Variants in BIRC6 observed in about 807,000 individuals in gnomAD.
BIRC6 encodes dual E2 ubiquitin-conjugating enzyme/E3 ubiquitin-protein ligase BIRC6.
In BIRC6, 98 loss-of-function variants were observed where a neutral mutation model predicts 503.3. That is an observed-to-expected ratio of 0.19 (90% CI 0.17 to 0.23). The LOEUF (loss-of-function observed/expected upper bound fraction) is 0.23. Ranked by LOEUF, BIRC6 falls within the 10% of genes least tolerant of loss-of-function variation. BIRC6 has a pLI of 1.00. For synonymous variants in BIRC6, 2,240 were observed against 2,078.7 expected (o/e 1.08, Z -2.11); for missense variants, 5,360 against 5,806.0 (o/e 0.92, Z 2.50).
At chr2:32,604,268 A>G (rs1201356131) in intron 71 of BIRC6, among the ~76,000 whole-genome samples, 4 of 152,176 alleles carry the variant, frequency 2.6e-5, no homozygotes, top group African/African-American at 9.6e-5. Context: ...TCTCAGGCCT[A>G]AAGTTTTATT....
At chr2:32,575,429 A>C in intron 66 of BIRC6, 63 bp downstream of exon 66, 1 of 1,480,178 alleles carries the variant, frequency 6.8e-7, no homozygotes, top group Non-Finnish European at 9.4e-7. Context: ...AAATAACTCC[A>C]TGGGTGTTTT....
chr2:32,414,121 G>A (rs1049285447), intron 9 of BIRC6, among the ~76,000 whole-genome samples: 12 of 151,800 alleles, frequency 7.9e-5, no homozygotes, highest in African/African-American at 2.4e-4. Flanking sequence ...GAGAAACCAT[G>A]TCTCTACTGA....
Position 32,617,896 on chromosome 2 carries a change from C to T in BIRC6, c.14566C>T (p.Gln4856Ter), listed in dbSNP as rs1275385380. 10 of 1,612,314 alleles carry T rather than the reference C, an allele frequency of 6.2e-6. No homozygotes were observed. The highest frequency in any genetic ancestry group is 6.8e-6 in the Non-Finnish European group (8 of 1,178,776). ...SSSKELPSDF[Q>*]L ...CAGCAAAGAACTCCCCAGTGACTTC[C>T]AGTTATGAGCTGCATTGATGTGGAC... The change falls in exon 74 of 74, where the codon CAG becomes TAG. Residue 4856 changes from glutamine to a stop codon, truncating the protein, a stop_gained. Transcript: ENST00000421745. LOFTEE classifies it high-confidence loss of function.
At chr2:32,503,868 CT>C (rs2053481848) in intron 49 of BIRC6, among the ~76,000 whole-genome samples, 1 of 152,072 alleles carries the variant, frequency 6.6e-6, no homozygotes, top group Non-Finnish European at 1.5e-5. Context: ...CATTTTCCTT[CT>C]TAAAGTGGTG....
chr2:32,408,166 C>T (rs551161408), intron 9 of BIRC6, among the ~76,000 whole-genome samples: 2 of 152,160 alleles, frequency 1.3e-5, no homozygotes, highest in African/African-American at 4.8e-5. Flanking sequence ...TGGGGTTTCA[C>T]CATGTTGGCC....
At chr2:32,611,108 C>CTTTTTTTTTTT (rs1245765148) in intron 72 of BIRC6, among the ~76,000 whole-genome samples, 8 of 126,158 alleles carry the variant, frequency 6.3e-5, no homozygotes, top group Admixed American at 3.3e-4. Flanking sequence ...ATTAAATTGC[C>CTTTTTTTTTTT]TTTTTTTTTT....
chr2:32,615,426 A>G (rs1026154228), intron 73 of BIRC6, among the ~76,000 whole-genome samples: 3 of 152,174 alleles, frequency 2.0e-5, no homozygotes, highest in African/African-American at 7.2e-5. Flanking sequence ...AATAGCTGCA[A>G]GGTAGAGTTG....
At chr2:32,383,520 C>T (rs2037998782) in intron 3 of BIRC6, among the ~76,000 whole-genome samples, 1 of 152,034 alleles carries the variant, frequency 6.6e-6, no homozygotes, top group African/African-American at 2.4e-5. Context: ...TCTGAATCCT[C>T]ACTGGTGCTG....
At chr2:32,586,842 A>T (rs2710606) in intron 66 of BIRC6, among the ~76,000 whole-genome samples, 2 of 151,980 alleles carry the variant, frequency 1.3e-5, no homozygotes, top group Non-Finnish European at 2.9e-5. Flanking sequence ...AGATTTTAGC[A>T]TTCGGGTAGT....
chr2:32,473,212 C>G lies in BIRC6; in HGVS notation c.6693C>G (p.Ile2231Met). ...SSLDRLYSRK[I>M]RKQLVHHKQQ... is the part of the protein sequence containing the mutation. The stretch of plus-strand genomic sequence containing the variant: ...TTGATAGATTATATTCCAGAAAAAT[C>G]AGAAAGCAGCTTGTTCATCATAAAC... Residue 2231 changes from isoleucine to methionine, a missense_variant, in exon 33 of 74, where the codon ATC becomes ATG. Transcript: ENST00000421745. 6.5e-7 allele frequency: 1 copy of G among 1,548,898 alleles called. No individual in the cohort carries two copies. The highest frequency in any genetic ancestry group is 1.2e-5 in the South Asian group (1 of 82,932).
At position 32,441,586 on chromosome 2, in the gene BIRC6, A is replaced by G; in HGVS notation, c.3944+124A>G. 3.6e-6 allele frequency: 3 copies of G among 839,590 alleles called. No homozygotes were observed. In the South Asian group the frequency reaches 7.1e-5, roughly 20 times the overall value. 52.0% of individuals were successfully genotyped at this position (839,590 alleles called of 1,614,324 possible). A position where few individuals can be genotyped will look rare whatever the true frequency, so the allele number is the denominator to read the frequency against. ...AATTTTTTTTGTCCATTTTTCTTAA[A>G]TAATTATAATTTTGATGAGAATATG... is the stretch of plus-strand genomic sequence containing the variant. On this transcript the variant is annotated intron_variant, in intron 17 of 73. Coordinates refer to ENST00000421745, the MANE Select transcript of BIRC6 (RefSeq NM_016252.4).
At chr2:32,575,062 C>A in intron 65 of BIRC6, 94 bp from the exon 66 acceptor site, 1 of 1,342,414 alleles carries the variant, frequency 7.4e-7, no homozygotes, top group Non-Finnish European at 1.1e-6. Flanking sequence ...CAGCTGTGGA[C>A]CTTGGTAAGA....
rs761057791 is a variant in BIRC6 at position 32,499,565 on chromosome 2, C to T, written c.8487C>T (p.Gly2829=). The change falls in exon 46 of 74, where the codon GGC becomes GGT. Residue 2829 remains glycine (G), a synonymous_variant. Coordinates refer to ENST00000421745, the MANE Select transcript of BIRC6 (RefSeq NM_016252.4). ...TCTGCAGGGGTGCTTTCCAGACAGG[C>T]CAAGGACCTCTCGATGCCCAAGTGA... ...LSTERGAFQT[G]QGPLDAQVKL... is the part of the protein sequence containing the mutation. 2.1e-5 allele frequency: 34 copies of T among 1,609,114 alleles called. No individual in the cohort carries two copies. In the South Asian group the frequency reaches 3.4e-4, roughly 16 times the overall value.
rs1307957001 is a variant in BIRC6, at chr2:32,394,985, C to CTTTTG, written c.952-525_952-524insTTTGT. ...CTAACACGGTGAAACCCCATCTCTA[C>CTTTTG]TAAAAATACAAAAAAAATTAGCTGG... On this transcript the variant is annotated intron_variant, in intron 5 of 73. Transcript: ENST00000421745. Among the ~76,000 whole-genome samples, 23 of 152,242 alleles carry CTTTTG rather than the reference C, an allele frequency of 1.5e-4. 1 individual carries two copies. The highest frequency in any genetic ancestry group is 1.8e-4 in the Non-Finnish European group (12 of 68,004).
chr2:32,488,188 A>T (rs966407934), intron 41 of BIRC6, among the ~76,000 whole-genome samples: 1 of 152,222 alleles, frequency 6.6e-6, no homozygotes, highest in African/African-American at 2.4e-5. Flanking sequence ...AATAAAGTAA[A>T]AAAAATTAAC....
intron 71 of BIRC6, among the ~76,000 whole-genome samples, chr2:32,604,147 C>T (rs1348739565): frequency 6.6e-6 from 1 of 152,042 alleles, no homozygotes; most frequent in South Asian, 2.1e-4. Flanking sequence ...TCTCATTCAT[C>T]CTGTAACACA....
intron 2 of BIRC6, 64 bp from the exon 3 acceptor site, chr2:32,380,089 T>G: frequency 1.7e-6 from 2 of 1,189,890 alleles, no homozygotes; most frequent in South Asian, 3.5e-5. Flanking sequence ...GGATCTGAAT[T>G]TAATTTTTTG....
In BIRC6 at chr2:32,518,986, G is replaced by T. The variant is rs1254164103; in HGVS notation, c.11623+40G>T. ...AGTATTAGTTTTTGTTTAACTTTAT[G>T]TTTGATGTATATGGAGGTTTATTGT... On this transcript the variant is annotated intron_variant, in intron 57 of 73. Coordinates refer to ENST00000421745, the MANE Select transcript of BIRC6 (RefSeq NM_016252.4). 1.9e-6 allele frequency: 3 copies of T among 1,574,730 alleles called. No individual in the cohort carries two copies. The East Asian group carries it at 6.8e-5, about 35-fold the overall frequency.
chr2:32,516,033 A>C (rs1352214313), intron 55 of BIRC6, among the ~76,000 whole-genome samples: 1 of 152,202 alleles, frequency 6.6e-6, no homozygotes, highest in African/African-American at 2.4e-5. Context: ...TTCTACAAAC[A>C]AAAAGAAAAA....
Sources: gnomAD v4.1 joint callset for allele counts (sites outside exome capture counted in the v4.1 genomes callset) on GRCh38, gnomAD v4.1.1 for gene constraint, MANE v1.5 for transcripts, NCBI Gene and HGNC (gene_info 2026-07-23, HGNC 2026-07-21) for gene names.